Variants in STARD13 observed in about 807,000 individuals in gnomAD.
STARD13 encodes stAR-related lipid transfer protein 13.
STARD13 carries 62 observed loss-of-function variants against 106.4 expected under a neutral mutation model. The observed-to-expected ratio is 0.58, with a 90% CI of 0.48 to 0.72. The LOEUF (loss-of-function observed/expected upper bound fraction) is 0.72. Ranked by LOEUF, STARD13 falls within the 30% of genes least tolerant of loss-of-function variation. STARD13 has a pLI of 0.00. For synonymous variants in STARD13, 565 were observed against 553.0 expected (o/e 1.02, Z -0.31); for missense variants, 1,387 against 1,424.0 (o/e 0.97, Z 0.42).
the STARD13 span, among the ~76,000 whole-genome samples, chr13:33,621,700 AAT>A: frequency 4.0e-5 from 6 of 151,544 alleles, no homozygotes; most frequent in East Asian, 9.7e-4. Flanking sequence ...AAAAAAAAAA[AAT>A]TCAAAAATCT....
chr13:33,312,937 A>G (rs989060934), intron 1 of STARD13, among the ~76,000 whole-genome samples: 11 of 152,240 alleles, frequency 7.2e-5, no homozygotes, highest in African/African-American at 2.4e-4. Context: ...AAGTAATAAC[A>G]TTGTTCCTAG....
At chr13:33,271,995 T>G (rs1891190289) in intron 1 of STARD13, among the ~76,000 whole-genome samples, 1 of 152,232 alleles carries the variant, frequency 6.6e-6, no homozygotes, top group Non-Finnish European at 1.5e-5. Context: ...GGAAAGTTTA[T>G]TTAACTCCTG....
chr13:33,458,295 C>T, the STARD13 span, among the ~76,000 whole-genome samples: 217 of 147,796 alleles, frequency 1.5e-3, no homozygotes, highest in African/African-American at 4.9e-3. Context: ...TTTTTTGAGA[C>T]GGAGTCTTGT....
chr13:33,384,512 A>G, the STARD13 span, among the ~76,000 whole-genome samples: 1 of 152,224 alleles, frequency 6.6e-6, no homozygotes, highest in African/African-American at 2.4e-5. Flanking sequence ...AATAAGCTGC[A>G]ATGAACTTTA....
chr13:33,152,176 A>G (rs1377768436), intron 3 of STARD13, among the ~76,000 whole-genome samples: 1 of 152,234 alleles, frequency 6.6e-6, no homozygotes, highest in East Asian at 1.9e-4. Flanking sequence ...GGAGAATTAC[A>G]GTGGTTAAGG....
At chr13:33,662,840 G>T in the STARD13 span, among the ~76,000 whole-genome samples, 1 of 152,166 alleles carries the variant, frequency 6.6e-6, no homozygotes, top group South Asian at 2.1e-4. Flanking sequence ...TTTTCCCAAG[G>T]AGGAAATATA....
chr13:33,492,376 C>A, the STARD13 span, among the ~76,000 whole-genome samples: 1 of 152,126 alleles, frequency 6.6e-6, no homozygotes, highest in African/African-American at 2.4e-5. Context: ...ACCAGAGCAA[C>A]TCCATCTTGA....
chr13:33,583,626 A>T, the STARD13 span, among the ~76,000 whole-genome samples: 1 of 151,956 alleles, frequency 6.6e-6, no homozygotes, highest in Non-Finnish European at 1.5e-5. Flanking sequence ...TCCATTCTTG[A>T]TATTTAGGGT....
chr13:33,132,383 G>A (rs1050909216), intron 4 of STARD13, among the ~76,000 whole-genome samples: 9 of 152,188 alleles, frequency 5.9e-5, no homozygotes, highest in Admixed American at 1.3e-4. Flanking sequence ...AGAGCTGATG[G>A]TTTTATAAGG....
rs548206061 is a variant in STARD13, at chr13:33,138,669, G to A, written c.387+3641C>T. The A allele has an allele frequency of 1.1e-4, 31 of 295,092 alleles. 1 individual carries two copies. In the Admixed American group the frequency reaches 1.1e-3, roughly 10 times the overall value. 18.3% of individuals were successfully genotyped at this position (295,092 alleles called of 1,614,324 possible). A position where few individuals can be genotyped will look rare whatever the true frequency, so the allele number is the denominator to read the frequency against. On this transcript the variant is annotated intron_variant, in intron 4 of 13. Transcript: ENST00000336934. ...GCCTGTTTGGAAGCAGGAATGGGCCGCTGGGAATGCCGCGGGAGTGGAGAG... is the reference window on the plus strand; with the variant it reads ...GCCTGTTTGGAAGCAGGAATGGGCCACTGGGAATGCCGCGGGAGTGGAGAG...
At chr13:33,359,258 AG>A in the STARD13 span, among the ~76,000 whole-genome samples, 1 of 152,100 alleles carries the variant, frequency 6.6e-6, no homozygotes, top group African/African-American at 2.4e-5. Flanking sequence ...TTCACTCCTG[AG>A]CCCAGCGAGA....
At chr13:33,645,603 G>T in the STARD13 span, among the ~76,000 whole-genome samples, 1 of 152,198 alleles carries the variant, frequency 6.6e-6, no homozygotes, top group Non-Finnish European at 1.5e-5. Flanking sequence ...ACCTATAGTA[G>T]AATTTGGGCA....
chr13:33,244,272 T>G (rs1889712886), intron 1 of STARD13, among the ~76,000 whole-genome samples: 1 of 151,936 alleles, frequency 6.6e-6, no homozygotes, highest in African/African-American at 2.4e-5. Flanking sequence ...GATAGGAAAC[T>G]AAAGCTTGGA....
At chr13:33,166,328 A>G (rs2138368878) in intron 2 of STARD13, among the ~76,000 whole-genome samples, 1 of 152,064 alleles carries the variant, frequency 6.6e-6, no homozygotes, top group African/African-American at 2.4e-5. Flanking sequence ...ATTTTTTTTC[A>G]TGGAAGGCTG....
At chr13:33,576,577 C>T in the STARD13 span, among the ~76,000 whole-genome samples, 1 of 152,180 alleles carries the variant, frequency 6.6e-6, no homozygotes, top group South Asian at 2.1e-4. Context: ...AATTAATCTG[C>T]CTTTGATTGG....
At chr13:33,262,171 C>T (rs945333387) in intron 1 of STARD13, among the ~76,000 whole-genome samples, 2 of 152,172 alleles carry the variant, frequency 1.3e-5, no homozygotes, top group African/African-American at 4.8e-5. Context: ...CTCATTTATC[C>T]AAGGCCGAAT....
chr13:33,236,751 G>A (rs207473660), intron 1 of STARD13, among the ~76,000 whole-genome samples: 3 of 152,248 alleles, frequency 2.0e-5, no homozygotes, highest in East Asian at 1.9e-4. Flanking sequence ...AATCCCTTGC[G>A]GACAGTGAGG....
chr13:33,230,596 C>A (rs7990815), intron 1 of STARD13, among the ~76,000 whole-genome samples: 2,337 of 152,334 alleles, frequency 0.015, 57 homozygotes, highest in African/African-American at 0.053. Context: ...CCTTTCCGGT[C>A]AAGGGCTGCT....
At chr13:33,484,474 T>C in the STARD13 span, among the ~76,000 whole-genome samples, 1 of 152,154 alleles carries the variant, frequency 6.6e-6, no homozygotes, top group Non-Finnish European at 1.5e-5. Flanking sequence ...CCTGGACATG[T>C]GACTCATGAC....
Sources: allele counts gnomAD v4.1 joint callset (sites outside exome capture counted in the v4.1 genomes callset), GRCh38; gene constraint gnomAD v4.1.1; transcripts MANE v1.5; gene names NCBI Gene and HGNC (gene_info 2026-07-23, HGNC 2026-07-21).